Variants in SOX5 observed in about 807,000 individuals in gnomAD.
SOX5 encodes the protein transcription factor SOX-5.
In SOX5, 9 loss-of-function variants were observed where a neutral mutation model predicts 92.0. The observed-to-expected ratio is 0.10, with a 90% confidence interval of 0.06 to 0.17. SOX5 has a LOEUF of 0.17. Ranked by LOEUF, SOX5 falls within the 10% of genes least tolerant of loss-of-function variation. The probability of loss-of-function intolerance (pLI) is 1.00; values close to 1 mark genes in which losing one functional copy is unlikely to be tolerated. For missense variants in SOX5, 642 were observed against 944.5 expected, an observed-to-expected ratio of 0.68 and a Z score of 4.20; for synonymous variants, 344 against 336.3, an observed-to-expected ratio of 1.02 and a Z score of -0.25.
chr12:24,445,370 A>AT (rs1416228226), intron 1 of SOX5, among the ~76,000 whole-genome samples: 1 of 152,150 alleles, frequency 6.6e-6, no homozygotes, highest in East Asian at 1.9e-4. Flanking sequence ...GAGCAAAAAA[A>AT]GGAGGTAAAA....
At chr12:24,209,785 G>C (rs1188183992) in intron 4 of SOX5, among the ~76,000 whole-genome samples, 1 of 151,730 alleles carries the variant, frequency 6.6e-6, no homozygotes, top group African/African-American at 2.4e-5. Flanking sequence ...TTGGGAGGCC[G>C]AGGCGGGCGG....
At chr12:23,556,405 A>C (rs1373893929) in intron 11 of SOX5, among the ~76,000 whole-genome samples, 1 of 152,214 alleles carries the variant, frequency 6.6e-6, no homozygotes, top group African/African-American at 2.4e-5. Context: ...GTAGAGATTA[A>C]AAAATAATAT....
At chr12:24,334,752 A>G (rs1951702334) in intron 2 of SOX5, among the ~76,000 whole-genome samples, 2 of 152,184 alleles carry the variant, frequency 1.3e-5, no homozygotes, top group Non-Finnish European at 2.9e-5. Flanking sequence ...CCCACAGAAG[A>G]ATGGCCAAAT....
chr12:23,545,013 TAGA>T (rs1471867646), intron 12 of SOX5, among the ~76,000 whole-genome samples: 1 of 152,258 alleles, frequency 6.6e-6, no homozygotes, highest in Non-Finnish European at 1.5e-5. Context: ...GAGCTGAAAA[TAGA>T]AGAAAATGTT....
At position 23,546,832 on chromosome 12, in the gene SOX5, G is replaced by A. The variant is rs986722156; in HGVS notation, c.1489-408C>T. ...CCCAGAGAAAGTCTTCCAATAGTCA[G>A]GTGACCAAATAATAGAAACATAATT... On this transcript the variant is annotated intron_variant, in intron 11 of 14. Transcript: ENST00000451604. Among the ~76,000 whole-genome samples, 15 of 152,296 alleles carry A rather than the reference G, an allele frequency of 9.8e-5. 1 individual carries two copies. The highest frequency in any genetic ancestry group is 4.1e-4 in the South Asian group (2 of 4,828).
At chr12:23,653,292 C>CT (rs1301895047) in intron 7 of SOX5, among the ~76,000 whole-genome samples, 16 of 150,840 alleles carry the variant, frequency 1.1e-4, no homozygotes, top group South Asian at 4.2e-4. Context: ...GGTCTTTAGG[C>CT]TTTTTTTTTC....
At chr12:23,791,024 C>G (rs1288677934) in intron 3 of SOX5, among the ~76,000 whole-genome samples, 1 of 152,078 alleles carries the variant, frequency 6.6e-6, no homozygotes, top group African/African-American at 2.4e-5. Flanking sequence ...ATAACGTTAC[C>G]AGTCTAACAA....
At chr12:23,840,621 C>T (rs1010436778) in intron 3 of SOX5, among the ~76,000 whole-genome samples, 7 of 152,010 alleles carry the variant, frequency 4.6e-5, no homozygotes, top group African/African-American at 1.7e-4. Context: ...ATGATACTGG[C>T]AAGACGATAG....
At position 24,187,995 on chromosome 12, in the gene SOX5, T is replaced by C. The variant is rs141536490; in HGVS notation, c.-2+25348A>G. ...ATGTAACTTCTGCTGTTCTTATAGA[T>C]TTTAATGGATTTTTAATCTACCAAT... On this transcript the variant is annotated intron_variant, in intron 4 of 4. Transcript: ENST00000446891. 4.0e-4 allele frequency among the ~76,000 whole-genome samples: 61 copies of C among 152,320 alleles called. No individual in the cohort carries two copies. The East Asian group carries it at 9.8e-3, about 25-fold the overall frequency.
At chr12:24,112,892 G>A (rs748947924) in intron 4 of SOX5, among the ~76,000 whole-genome samples, 2 of 151,680 alleles carry the variant, frequency 1.3e-5, no homozygotes, top group African/African-American at 2.4e-5. Context: ...TGGAAATAAC[G>A]GTCTTTAGGG....
chr12:24,377,517 T>C (rs935207901), intron 1 of SOX5, among the ~76,000 whole-genome samples: 3 of 152,216 alleles, frequency 2.0e-5, no homozygotes, highest in Admixed American at 6.5e-5. Context: ...TATCAGTGTA[T>C]AGACGCAAAG....
chr12:24,006,342 C>T (rs761116855), intron 4 of SOX5, among the ~76,000 whole-genome samples: 1 of 152,158 alleles, frequency 6.6e-6, no homozygotes, highest in Non-Finnish European at 1.5e-5. Flanking sequence ...ATATTAGTGG[C>T]AAAATGCATT....
chr12:23,744,946 G>A (rs545920259), intron 4 of SOX5, among the ~76,000 whole-genome samples: 143 of 152,132 alleles, frequency 9.4e-4, no homozygotes, highest in Non-Finnish European at 1.4e-3. Context: ...TGTTCACATC[G>A]TCTCGGTCTG....
At chr12:24,459,159 C>T (rs1415783859) in intron 1 of SOX5, among the ~76,000 whole-genome samples, 4 of 152,128 alleles carry the variant, frequency 2.6e-5, no homozygotes, top group Non-Finnish European at 5.9e-5. Flanking sequence ...AATATATGCC[C>T]CACTTAAGGT....
At chr12:23,714,377 T>C (rs1458616829) in intron 6 of SOX5, among the ~76,000 whole-genome samples, 1 of 152,060 alleles carries the variant, frequency 6.6e-6, no homozygotes, top group African/African-American at 2.4e-5. Flanking sequence ...ATTCTAGCAC[T>C]TTGGGAGGCC....
intron 1 of SOX5, among the ~76,000 whole-genome samples, chr12:24,494,916 C>T (rs1489243054): frequency 2.6e-5 from 4 of 152,038 alleles, no homozygotes; most frequent in African/African-American, 4.8e-5. Context: ...ACTGGGGTGC[C>T]AATTAGGGTT....
intron 1 of SOX5, among the ~76,000 whole-genome samples, chr12:23,940,419 T>A (rs1257480054): frequency 2.0e-5 from 3 of 151,238 alleles, no homozygotes; most frequent in Non-Finnish European, 3.0e-5. Flanking sequence ...GCTATAGAGA[T>A]AATCTCCAAA....
chr12:24,089,861 T>A (rs1944431958), intron 4 of SOX5, among the ~76,000 whole-genome samples: 1 of 152,160 alleles, frequency 6.6e-6, no homozygotes, highest in Non-Finnish European at 1.5e-5. Context: ...TCGTTAGCCC[T>A]CCACAAGTGT....
At chr12:23,576,750 A>G (rs1015218976) in intron 9 of SOX5, among the ~76,000 whole-genome samples, 4 of 152,156 alleles carry the variant, frequency 2.6e-5, no homozygotes, top group African/African-American at 9.7e-5. Context: ...GAATATAAGA[A>G]TGAGATAATA....
Sources: allele counts gnomAD v4.1 joint callset (sites outside exome capture counted in the v4.1 genomes callset), GRCh38; gene constraint gnomAD v4.1.1; transcripts MANE v1.5; gene names NCBI Gene and HGNC (gene_info 2026-07-23, HGNC 2026-07-21).